Variants in EPS15 observed in about 807,000 individuals in gnomAD.
The protein encoded by EPS15 is epidermal growth factor receptor pathway substrate 15.
EPS15 carries 72 observed loss-of-function variants against 113.8 expected under a neutral mutation model. That is an observed-to-expected ratio of 0.63 (90% CI 0.52 to 0.77). EPS15 has a LOEUF of 0.77. Among genes scored for constraint, EPS15 ranks in the 30% least tolerant of loss-of-function variants. The probability of loss-of-function intolerance (pLI) is 0.00; values close to 1 mark genes in which losing one functional copy is unlikely to be tolerated. For missense variants in EPS15, 1,048 were observed against 1,045.8 expected (o/e 1.00, Z -0.03); for synonymous variants, 344 against 363.4 (o/e 0.95, Z 0.61).
rs189320480 is a variant in EPS15 at position 51,354,295 on chromosome 1, A to G, written c.*2405T>C. On this transcript the variant is annotated 3_prime_UTR_variant, in exon 25 of 25. Transcript: ENST00000371733. ...TTACATTTATTATTTATTCTATACC[A>G]GGTGCTGTCCCAAACCCTTTACATA... 139 of 177,948 alleles carry G rather than the reference A, an allele frequency of 7.8e-4. 1 individual carries two copies. Among genetic ancestry groups the G allele is most frequent in the African/African-American group, 3.2e-3 (135 of 42,368 alleles). 11.0% of individuals were successfully genotyped at this position (177,948 alleles called of 1,614,324 possible).
rs536916972 is a variant in EPS15, at chr1:51,383,218, A to G, written c.2119+11163T>C. ...AAACACTCAACAAGCTAAGAACAGA[A>G]GGAAAACTACCTCAACTTAATAAAG... is the stretch of plus-strand genomic sequence containing the variant. On this transcript the variant is annotated intron_variant, in intron 21 of 24. Coordinates refer to ENST00000371733, the MANE Select transcript of EPS15 (RefSeq NM_001981.3). 5.3e-5 allele frequency among the ~76,000 whole-genome samples: 8 copies of G among 152,358 alleles called. No individual in the cohort carries two copies. In the South Asian group the frequency reaches 1.7e-3, roughly 32 times the overall value.
chr1:51,415,714 T>A (rs995472505), intron 13 of EPS15, among the ~76,000 whole-genome samples: 1 of 136,200 alleles, frequency 7.3e-6, no homozygotes, highest in Non-Finnish European at 1.5e-5. Context: ...GAGAATCACT[T>A]AAACTTGGGA....
intron 1 of EPS15, among the ~76,000 whole-genome samples, chr1:51,509,379 T>TA (rs1347306940): frequency 2.0e-5 from 3 of 152,162 alleles, no homozygotes; most frequent in Non-Finnish European, 4.4e-5. Context: ...TTCATAAAAA[T>TA]TAATGGCTCA....
chr1:51,510,195 A>G (rs181589473), intron 1 of EPS15, among the ~76,000 whole-genome samples: 3 of 152,322 alleles, frequency 2.0e-5, no homozygotes, highest in Admixed American at 6.5e-5. Flanking sequence ...CCCAATACAC[A>G]CAAACACACG....
chr1:51,363,195 G>A (rs1372436492), intron 23 of EPS15, among the ~76,000 whole-genome samples: 2 of 151,716 alleles, frequency 1.3e-5, no homozygotes, highest in African/African-American at 4.8e-5. Flanking sequence ...CTACTCGGGA[G>A]GCTGAGGCAG....
intron 2 of EPS15, among the ~76,000 whole-genome samples, chr1:51,476,239 AG>A (rs1217045320): frequency 6.6e-6 from 1 of 152,204 alleles, no homozygotes; most frequent in Non-Finnish European, 1.5e-5. Flanking sequence ...AATTCTGTGA[AG>A]AAAGTCATTG....
At chr1:51,376,389 C>A (rs886564980) in intron 21 of EPS15, among the ~76,000 whole-genome samples, 6 of 152,226 alleles carry the variant, frequency 3.9e-5, no homozygotes, top group Admixed American at 6.5e-5. Flanking sequence ...CTAGGCTGGG[C>A]ACTGTGGCTC....
At chr1:51,462,931 T>C (rs151127998) in intron 7 of EPS15, among the ~76,000 whole-genome samples, 2,670 of 146,428 alleles carry the variant, frequency 0.018, 82 homozygotes, top group African/African-American at 0.066. Flanking sequence ...GGCTGGAGTG[T>C]AGTGGTGCGA....
At chr1:51,385,835 T>C (rs1647053827) in intron 21 of EPS15, among the ~76,000 whole-genome samples, 1 of 152,244 alleles carries the variant, frequency 6.6e-6, no homozygotes, top group Middle Eastern at 3.4e-3. Flanking sequence ...TCCACTTATA[T>C]GAAGTATGCA....
intron 20 of EPS15, among the ~76,000 whole-genome samples, chr1:51,398,275 G>A (rs1055223997): frequency 2.6e-5 from 4 of 151,866 alleles, no homozygotes; most frequent in East Asian, 1.9e-4. Context: ...GGATGGTCTC[G>A]ATCTCCTGAC....
At chr1:51,462,496 C>A (rs962356193) in intron 7 of EPS15, among the ~76,000 whole-genome samples, 1 of 151,974 alleles carries the variant, frequency 6.6e-6, no homozygotes, top group Non-Finnish European at 1.5e-5. Flanking sequence ...AGAAGCCCAG[C>A]TGAAGCTGGT....
chr1:51,434,846 A>G (rs1652014280), intron 12 of EPS15, among the ~76,000 whole-genome samples: 2 of 151,766 alleles, frequency 1.3e-5, no homozygotes, highest in Non-Finnish European at 1.5e-5. Flanking sequence ...TAATTTTTGT[A>G]TTTTTAGTAG....
intron 21 of EPS15, among the ~76,000 whole-genome samples, chr1:51,370,345 T>G (rs968344776): frequency 2.0e-5 from 3 of 152,216 alleles, no homozygotes; most frequent in African/African-American, 4.8e-5. Context: ...GTTTTGGATT[T>G]CAGATTTTTG....
chr1:51,390,594 A>T (rs1647260158), intron 21 of EPS15, among the ~76,000 whole-genome samples: 1 of 152,076 alleles, frequency 6.6e-6, no homozygotes, highest in Admixed American at 6.5e-5. Flanking sequence ...TCCAGAATCT[A>T]CAATGAACTC....
chr1:51,382,299 C>T (rs1570142446), intron 21 of EPS15: 1 of 152,084 alleles, frequency 6.6e-6, no homozygotes, highest in Non-Finnish European at 1.5e-5. Flanking sequence ...AATCAAAAAC[C>T]TTCCAACAGT....
intron 1 of EPS15, among the ~76,000 whole-genome samples, chr1:51,499,447 A>G (rs573407522): frequency 6.6e-6 from 1 of 152,202 alleles, no homozygotes; most frequent in South Asian, 2.1e-4. Context: ...CTGTACAAGT[A>G]TGTGTTTGGA....
intron 1 of EPS15, among the ~76,000 whole-genome samples, chr1:51,500,830 A>T (rs910151572): frequency 6.6e-6 from 1 of 152,040 alleles, no homozygotes; most frequent in African/African-American, 2.4e-5. Context: ...CTAAAAACAC[A>T]AATATTAGCA....
intron 21 of EPS15, among the ~76,000 whole-genome samples, chr1:51,378,094 A>G (rs1055979926): frequency 2.0e-5 from 3 of 151,908 alleles, no homozygotes; most frequent in Non-Finnish European, 4.4e-5. Flanking sequence ...ACGTGGTTTC[A>G]CCATGTTGCG....
chr1:51,394,286 TATAA>T (rs1282830834), intron 21 of EPS15, 91 bp downstream of exon 21: 4 of 710,850 alleles, frequency 5.6e-6, no homozygotes, highest in Admixed American at 6.0e-5. Context: ...ATTTTAAAGC[TATAA>T]ATAACAGGAC....
Sources: gnomAD v4.1 joint callset for allele counts (sites outside exome capture counted in the v4.1 genomes callset) on GRCh38, gnomAD v4.1.1 for gene constraint, MANE v1.5 for transcripts, NCBI Gene and HGNC (gene_info 2026-07-23, HGNC 2026-07-21) for gene names.